ADGRE3: variants seen among roughly 807,000 people sequenced by gnomAD.
The protein encoded by ADGRE3 is EGF-like module receptor 3.
Under a neutral mutation model 80.1 loss-of-function variants are expected in ADGRE3, and 88 were observed. That is an observed-to-expected ratio of 1.10 (90% CI 0.93 to 1.31). The LOEUF is 1.31. Ranked by LOEUF, ADGRE3 falls within the 40% of genes most tolerant of loss-of-function variation. The probability of loss-of-function intolerance (pLI) is 0.00; values close to 1 mark genes in which losing one functional copy is unlikely to be tolerated. For missense variants in ADGRE3, 715 were observed against 776.5 expected, an observed-to-expected ratio of 0.92 and a Z score of 0.94; for synonymous variants, 281 against 294.8, an observed-to-expected ratio of 0.95 and a Z score of 0.48.
rs1380763335 is a variant in ADGRE3 at position 14,658,528 on chromosome 19, G to A, written c.378C>T (p.Thr126=). The change falls in exon 5 of 16, where the codon ACC becomes ACT. Residue 126 remains threonine (T), a synonymous_variant. Transcript: ENST00000253673. ...TCQDTTSSKT[T]EGRKELQKIV... ...CTCCACTCACCTCTTTCCTGCCCTC[G>A]GTTGTCTTTGAGGAGGTGGTGTCTG... 4 of 1,567,740 alleles carry A rather than the reference G, an allele frequency of 2.6e-6. No homozygotes were observed.
At chr19:14,656,506 G>A (rs865991947) in intron 5 of ADGRE3, among the ~76,000 whole-genome samples, 35 of 152,160 alleles carry the variant, frequency 2.3e-4, no homozygotes, top group African/African-American at 6.5e-4. Flanking sequence ...CTGAGGAGGC[G>A]GTGTCTGAAT....
chr19:14,610,326 T>C, the ADGRE3 span: 2 of 1,316,212 alleles, frequency 1.5e-6, no homozygotes, highest in Non-Finnish European at 2.1e-6. Flanking sequence ...ATTGGCACCC[T>C]GGATGCAGCA....
intron 15 of ADGRE3, among the ~76,000 whole-genome samples, chr19:14,620,000 G>A (rs1970492393): frequency 6.6e-6 from 1 of 152,010 alleles, no homozygotes; most frequent in South Asian, 2.1e-4. Flanking sequence ...TTCCTTCCTG[G>A]TATTTATGGT....
At chr19:14,648,441 G>T (rs933412881) in intron 7 of ADGRE3, among the ~76,000 whole-genome samples, 1 of 152,084 alleles carries the variant, frequency 6.6e-6, no homozygotes, top group African/African-American at 2.4e-5. Flanking sequence ...CCCTCTTCTC[G>T]AATGGGACAG....
chr19:14,672,801 G>A (rs976483703), intron 1 of ADGRE3, among the ~76,000 whole-genome samples: 1 of 151,838 alleles, frequency 6.6e-6, no homozygotes, highest in African/African-American at 2.4e-5. Flanking sequence ...GTTTCTTGGA[G>A]ACAGAGTCTT....
chr19:14,607,496 C>G, the ADGRE3 span, among the ~76,000 whole-genome samples: 2 of 151,502 alleles, frequency 1.3e-5, no homozygotes, highest in South Asian at 2.1e-4. Context: ...AGCCACCGCG[C>G]CCGGCCAGGA....
At chr19:14,634,768 C>G (rs918289371) in intron 11 of ADGRE3, among the ~76,000 whole-genome samples, 9 of 152,154 alleles carry the variant, frequency 5.9e-5, no homozygotes, top group African/African-American at 2.2e-4. Flanking sequence ...ACTTCTATAT[C>G]CACTAACATG....
Position 14,665,936 on chromosome 19 carries a change from G to GTATATATATACATACATATATATA in ADGRE3, c.77-2397_77-2396insTATATATATGTATGTATATATATA, listed in dbSNP as rs1972085090. On this transcript the variant is annotated intron_variant, in intron 2 of 15. Coordinates refer to ENST00000253673, the MANE Select transcript of ADGRE3 (RefSeq NM_032571.5). ...ATATATTGCATATACACACATATGT[G>GTATATATATACATACATATATATA]TATATATATATATATATATATATAT... 7.1e-5 allele frequency among the ~76,000 whole-genome samples: 3 copies of GTATATATATACATACATATATATA among 42,096 alleles called. 1 individual carries two copies. The highest frequency in any genetic ancestry group is 6.5e-4 in the Admixed American group (2 of 3,094). The allele number at this position is 42,096 out of a possible 152,430, so 27.6% of individuals were successfully genotyped here.
downstream of ADGRE3, among the ~76,000 whole-genome samples, chr19:14,614,675 C>G (rs996125183): frequency 6.6e-6 from 1 of 151,022 alleles, no homozygotes; most frequent in East Asian, 2.0e-4. Context: ...CTCCTGGGTT[C>G]AAGCCATTCT....
chr19:14,611,113 T>C, the ADGRE3 span: 1 of 152,066 alleles, frequency 6.6e-6, no homozygotes, highest in East Asian at 1.9e-4. Flanking sequence ...GCTGGTCTCA[T>C]GTAGTCCCCA....
chr19:14,610,461 G>C, the ADGRE3 span: 1 of 471,310 alleles, frequency 2.1e-6, no homozygotes, highest in Non-Finnish European at 3.9e-6. Context: ...GGGTTGAAAG[G>C]ATCTTCACTA....
At chr19:14,600,398 C>G in the ADGRE3 span, among the ~76,000 whole-genome samples, 1 of 152,158 alleles carries the variant, frequency 6.6e-6, no homozygotes, top group African/African-American at 2.4e-5. Context: ...TTGATTTAAC[C>G]TCTGTACATT....
At chr19:14,618,846 C>CAAAAAAAAA (rs771965258), downstream of ADGRE3, among the ~76,000 whole-genome samples, 224 of 61,902 alleles carry the variant, frequency 3.6e-3, 12 homozygotes, top group South Asian at 8.3e-3. Context: ...AACTCCATCT[C>CAAAAAAAAA]AAAAAAAAAA....
Position 14,622,028 on chromosome 19 carries a change from T to C in ADGRE3, c.1921-2557A>G, listed in dbSNP as rs1970617568. 3 of 1,040,910 alleles carry C rather than the reference T, an allele frequency of 2.9e-6. No individual in the cohort carries two copies. In the Admixed American group the frequency reaches 7.4e-5, roughly 26 times the overall value. 64.5% of individuals were successfully genotyped at this position (1,040,910 alleles called of 1,614,324 possible). A position where few individuals can be genotyped will look rare whatever the true frequency, so the allele number is the denominator to read the frequency against. ...ACTTTCTACCTTGGTAATGTTAAAA[T>C]AGGAACATTCCTGTGTGCATGTGTC... On this transcript the variant is annotated intron_variant, in intron 15 of 15. Coordinates refer to ENST00000253673, the MANE Select transcript of ADGRE3 (RefSeq NM_032571.5).
At chr19:14,660,108 G>C (rs149653707) in intron 4 of ADGRE3, among the ~76,000 whole-genome samples, 55 of 152,212 alleles carry the variant, frequency 3.6e-4, no homozygotes, top group African/African-American at 1.3e-3. Context: ...TTTATCATTG[G>C]GTGGGGGTGT....
intron 8 of ADGRE3, 67 bp downstream of exon 8, chr19:14,647,114 A>T (rs1279395561): frequency 7.6e-7 from 1 of 1,319,512 alleles, no homozygotes; most frequent in Non-Finnish European, 1.1e-6. Context: ...ACAGCCTGGG[A>T]TGATACACAC....
downstream of ADGRE3, among the ~76,000 whole-genome samples, chr19:14,618,141 T>C (rs577516889): frequency 3.9e-5 from 6 of 152,302 alleles, no homozygotes; most frequent in African/African-American, 1.4e-4. Flanking sequence ...AATATATATA[T>C]TTATCATGTA....
chr19:14,618,072 G>T (rs1183169563), downstream of ADGRE3, among the ~76,000 whole-genome samples: 1 of 151,776 alleles, frequency 6.6e-6, no homozygotes, highest in African/African-American at 2.4e-5. Context: ...GCATAATTTA[G>T]AGTCCAGGCT....
At chr19:14,625,726 C>A in intron 14 of ADGRE3, 127 bp from the exon 15 acceptor site, 2 of 636,176 alleles carry the variant, frequency 3.1e-6, no homozygotes, top group East Asian at 2.8e-5. Flanking sequence ...ATGGTCTATT[C>A]GTACAATGGA....
Sources: gnomAD v4.1 joint callset for allele counts (sites outside exome capture counted in the v4.1 genomes callset) on GRCh38, gnomAD v4.1.1 for gene constraint, MANE v1.5 for transcripts, NCBI Gene and HGNC (gene_info 2026-07-23, HGNC 2026-07-21) for gene names.